Variants in FBXO31 observed in about 807,000 individuals in gnomAD.
FBXO31 encodes F-box only protein 31.
In FBXO31, 24 loss-of-function variants were observed where a neutral mutation model predicts 54.4. The ratio of observed to expected loss-of-function variants is 0.44; its 90% CI spans 0.32 to 0.62. The LOEUF (loss-of-function observed/expected upper bound fraction) is 0.62, where lower values mean the gene tolerates loss of function less well. Among genes scored for constraint, FBXO31 ranks in the 20% least tolerant of loss-of-function variants. The pLI is 0.05. For missense variants in FBXO31, 665 were observed against 787.1 expected, an observed-to-expected ratio of 0.84 and a Z score of 1.86; for synonymous variants, 388 against 335.6, an observed-to-expected ratio of 1.16 and a Z score of -1.71.
rs969572644 is a variant in FBXO31, at chr16:87,346,182, T to C, written c.489+992A>G. ...AGACCCGGAATGAGAACGGGACGCT[T>C]CCCCAAGCCTGAGACGCGCGCATAC... On this transcript the variant is annotated intron_variant, in intron 3 of 8. Transcript: ENST00000311635. The surrounding 1 kb of genome is among the most constrained non-coding windows in gnomAD (Gnocchi z 4.2). Among the ~76,000 whole-genome samples, 5 of 151,934 alleles carry C rather than the reference T, an allele frequency of 3.3e-5. No individual in the cohort carries two copies. The highest frequency in any genetic ancestry group is 1.2e-4 in the African/African-American group (5 of 41,348).
At chr16:87,364,943 C>T (rs2150688842) in intron 1 of FBXO31, among the ~76,000 whole-genome samples, 1 of 140,530 alleles carries the variant, frequency 7.1e-6, no homozygotes, top group Admixed American at 7.5e-5. Context: ...GGAGGTCGAG[C>T]CTGCAGTGGG....
chr16:87,355,519 A>C (rs1905854101), intron 2 of FBXO31, among the ~76,000 whole-genome samples: 1 of 152,180 alleles, frequency 6.6e-6, no homozygotes, highest in Non-Finnish European at 1.5e-5. Context: ...CATCCACTTA[A>C]ATTTGTCCAA....
At chr16:87,372,314 T>C (rs1004090001) in intron 1 of FBXO31, among the ~76,000 whole-genome samples, 3 of 152,134 alleles carry the variant, frequency 2.0e-5, no homozygotes, top group Admixed American at 1.3e-4. Flanking sequence ...GTGGATGATA[T>C]TCAACTTGCA....
chr16:87,383,378 CCGG>C lies in FBXO31; in HGVS notation c.340+24_340+26del. The C allele has an allele frequency of 8.0e-6, 12 of 1,502,486 alleles. No individual in the cohort carries two copies. Among genetic ancestry groups the C allele is most frequent in the Admixed American group, 2.1e-5 (1 of 48,550 alleles). 93.1% of individuals were successfully genotyped at this position (1,502,486 alleles called of 1,614,324 possible). ...ACCTGGCAGGGACCCCCCGCCCCTC[CCGG>C]CCCCGCCACCCCCGCGCGCTCACCC... is the stretch of plus-strand genomic sequence containing the variant. On this transcript the variant is annotated intron_variant, in intron 1 of 8. Coordinates refer to ENST00000311635, the MANE Select transcript of FBXO31 (RefSeq NM_024735.5). The surrounding 1 kb of genome is among the most constrained non-coding windows in gnomAD (Gnocchi z 4.9).
rs1008124516 is a variant in FBXO31 at position 87,329,993 on chromosome 16, G to A, written c.*1295C>T. 5.2e-5 allele frequency: 8 copies of A among 152,456 alleles called. No homozygotes were observed. The highest frequency in any genetic ancestry group is 1.3e-4 in the Admixed American group (2 of 15,308). 9.4% of individuals were successfully genotyped at this position (152,456 alleles called of 1,614,324 possible). A position where few individuals can be genotyped will look rare whatever the true frequency, so the allele number is the denominator to read the frequency against. On this transcript the variant is annotated 3_prime_UTR_variant, in exon 9 of 9. Coordinates refer to ENST00000311635, the MANE Select transcript of FBXO31 (RefSeq NM_024735.5). ...TCCCGAGGTCCCTCACCAGCAGGAC[G>A]TGTCCAGGGTGCCCAGCACAAGGAC...
intron 5 of FBXO31, 47 bp downstream of exon 5, chr16:87,342,830 A>G (rs921858364): frequency 1.3e-6 from 2 of 1,515,944 alleles, no homozygotes. Context: ...CCGTGGGGAA[A>G]GGAAAGGTCC....
intron 1 of FBXO31, among the ~76,000 whole-genome samples, chr16:87,373,607 C>T (rs1355630567): frequency 2.0e-5 from 3 of 151,624 alleles, no homozygotes; most frequent in Non-Finnish European, 4.4e-5. Flanking sequence ...AAGCTCACTG[C>T]AGCCTTGAAC....
At chr16:87,385,181 G>A (rs113464914), upstream of FBXO31, among the ~76,000 whole-genome samples, 3,920 of 151,182 alleles carry the variant, frequency 0.026, 70 homozygotes, top group Middle Eastern at 0.096. Context: ...AAATTAGGCC[G>A]GGCGCGGTGG....
chr16:87,358,228 ATC>A lies in FBXO31; in HGVS notation c.412+2065_412+2066del, dbSNP rs1402428077. Among the ~76,000 whole-genome samples the A allele has an allele frequency of 6.6e-6, 1 of 152,180 alleles. No individual in the cohort carries two copies. Among genetic ancestry groups the A allele is most frequent in the Non-Finnish European group, 1.5e-5 (1 of 68,030 alleles). Reference sequence around the variant, plus strand: ...AGCCTGGGTCCAACACACAGGTGTGATCTCTGTCACAGCTGAAGCAGAGCCAC... The same window carrying A: ...AGCCTGGGTCCAACACACAGGTGTGATCTGTCACAGCTGAAGCAGAGCCAC... On this transcript the variant is annotated intron_variant, in intron 2 of 8. Coordinates refer to ENST00000311635, the MANE Select transcript of FBXO31 (RefSeq NM_024735.5). The surrounding 1 kb of genome is among the most constrained non-coding windows in gnomAD (Gnocchi z 4.0).
At chr16:87,351,460 G>A (rs996264133) in intron 2 of FBXO31, among the ~76,000 whole-genome samples, 6 of 152,124 alleles carry the variant, frequency 3.9e-5, no homozygotes, top group African/African-American at 1.4e-4. Flanking sequence ...GCCCCACAAG[G>A]CTCCTGAGTG....
chr16:87,353,951 G>A lies in FBXO31; in HGVS notation c.412+6344C>T, dbSNP rs570492952. On this transcript the variant is annotated intron_variant, in intron 2 of 8. Coordinates refer to ENST00000311635, the MANE Select transcript of FBXO31 (RefSeq NM_024735.5). Reference sequence around the variant, plus strand: ...TTAGATGACAACTCCACAGGCTTGGGGACTAGGATGCGGACGTCTCTGCGG... The same window carrying A: ...TTAGATGACAACTCCACAGGCTTGGAGACTAGGATGCGGACGTCTCTGCGG... Among the ~76,000 whole-genome samples the A allele has an allele frequency of 4.6e-5, 7 of 152,366 alleles. No homozygotes were observed. In the South Asian group the frequency reaches 1.2e-3, roughly 27 times the overall value.
upstream of FBXO31, among the ~76,000 whole-genome samples, chr16:87,385,388 G>T (rs547099654): frequency 6.6e-6 from 1 of 151,752 alleles, no homozygotes; most frequent in South Asian, 2.1e-4. Context: ...AACCCGGGAG[G>T]CAGAGCTTGC....
chr16:87,368,347 T>C (rs1906454256), intron 1 of FBXO31, among the ~76,000 whole-genome samples: 1 of 152,236 alleles, frequency 6.6e-6, no homozygotes, highest in African/African-American at 2.4e-5. Flanking sequence ...TTAAGAACAA[T>C]TACACATCCT....
At position 87,383,361 on chromosome 16, in the gene FBXO31, G is replaced by A. The variant is rs891874341; in HGVS notation, c.340+44C>T. 6 of 1,440,354 alleles carry A rather than the reference G, an allele frequency of 4.2e-6. No homozygotes were observed. In the African/African-American group the frequency reaches 7.4e-5, roughly 18 times the overall value. 89.2% of individuals were successfully genotyped at this position (1,440,354 alleles called of 1,614,324 possible). On this transcript the variant is annotated intron_variant, in intron 1 of 8. Coordinates refer to ENST00000311635, the MANE Select transcript of FBXO31 (RefSeq NM_024735.5). This position sits in a 1 kb window ranked among gnomAD's most constrained non-coding sequence, Gnocchi z 4.9. The stretch of plus-strand genomic sequence containing the variant: ...CCAGCTCCGAGGCCTCCACCTGGCA[G>A]GGACCCCCCGCCCCTCCCGGCCCCG...
At chr16:87,348,254 A>G (rs1905482165) in intron 2 of FBXO31, among the ~76,000 whole-genome samples, 1 of 152,100 alleles carries the variant, frequency 6.6e-6, no homozygotes, top group African/African-American at 2.4e-5. Context: ...CATCAGCCTC[A>G]GCCTCCCAGG....
intron 3 of FBXO31, 57 bp from the exon 4 acceptor site, chr16:87,343,822 G>A: frequency 6.3e-7 from 1 of 1,583,162 alleles, no homozygotes; most frequent in African/African-American, 1.3e-5. Context: ...AGCAAGGGCG[G>A]CCCCGCACGG....
At chr16:87,364,080 A>T (rs987013849) in intron 1 of FBXO31, among the ~76,000 whole-genome samples, 12 of 152,142 alleles carry the variant, frequency 7.9e-5, no homozygotes, top group Non-Finnish European at 1.5e-5. Flanking sequence ...GTTCCATTAT[A>T]ATCTTATTTT....
At chr16:87,391,957 G>C (rs906224399), upstream of FBXO31, 30 of 156,418 alleles carry the variant, frequency 1.9e-4, no homozygotes, top group Non-Finnish European at 3.8e-4. Context: ...CCTCCCTCAA[G>C]AGTGCCCCGG....
rs377455263 is a variant in FBXO31, at chr16:87,331,414, G to A, written c.1494C>T (p.Phe498=). 2.0e-4 allele frequency: 324 copies of A among 1,613,716 alleles called. No homozygotes were observed. The highest frequency in any genetic ancestry group is 2.4e-4 in the Non-Finnish European group (286 of 1,180,018). The change falls in exon 9 of 9, where the codon TTC becomes TTT. Residue 498 remains phenylalanine, a synonymous_variant. Coordinates refer to ENST00000311635, the MANE Select transcript of FBXO31 (RefSeq NM_024735.5). ...TGAAGGATTTCAGCTCCAGCCAGAC[G>A]AACCCGAAGCGGTCCTCATCGAAGA... ...FILFDEDRFG[F]VWLELKSFSL... is the part of the protein sequence containing the mutation.
Sources: allele counts gnomAD v4.1 joint callset (sites outside exome capture counted in the v4.1 genomes callset), GRCh38; gene constraint gnomAD v4.1.1; non-coding constraint Gnocchi (gnomAD v3.1); transcripts MANE v1.5; gene names NCBI Gene and HGNC (gene_info 2026-07-23, HGNC 2026-07-21).